EIPR1: variants seen among roughly 807,000 people sequenced by gnomAD.
The protein encoded by EIPR1 is EARP and GARP complex-interacting protein 1.
EIPR1 carries 25 observed loss-of-function variants against 48.1 expected under a neutral mutation model. That is an observed-to-expected ratio of 0.52 (90% CI 0.38 to 0.73). The LOEUF is 0.73. Among genes scored for constraint, EIPR1 ranks in the 30% least tolerant of loss-of-function variants. EIPR1 has a pLI of 0.00. For synonymous variants in EIPR1, 204 were observed against 201.9 expected (o/e 1.01, Z -0.09); for missense variants, 415 against 506.2 (o/e 0.82, Z 1.73).
intron 4 of EIPR1, among the ~76,000 whole-genome samples, chr2:3,229,470 T>C (rs1300360939): frequency 6.6e-6 from 1 of 152,254 alleles, no homozygotes; most frequent in South Asian, 2.1e-4. Context: ...AGCTTTGAGC[T>C]TGGCAAGCAT....
chr2:3,296,210 T>TCC (rs1668585697), intron 3 of EIPR1, among the ~76,000 whole-genome samples: 6 of 97,376 alleles, frequency 6.2e-5, no homozygotes, highest in South Asian at 3.7e-4. Flanking sequence ...CCATCCTCTC[T>TCC]ACACAGACAC....
intron 2 of EIPR1, 142 bp downstream of exon 2, chr2:3,354,408 T>C (rs1221917780): frequency 1.1e-5 from 8 of 701,608 alleles, no homozygotes; most frequent in Admixed American, 2.8e-5. Flanking sequence ...GATTTGAAGA[T>C]AGACTTAAAT....
intron 3 of EIPR1, among the ~76,000 whole-genome samples, chr2:3,334,023 A>T (rs1222438020): frequency 2.0e-5 from 3 of 151,252 alleles, no homozygotes; most frequent in Non-Finnish European, 4.4e-5. Context: ...TATCACACAA[A>T]CTAATGGAAA....
rs149376259 is a variant in EIPR1 at position 3,245,316 on chromosome 2, G to A, written c.416+11983C>T. Among the ~76,000 whole-genome samples, 6 of 152,316 alleles carry A rather than the reference G, an allele frequency of 3.9e-5. No homozygotes were observed. The East Asian group carries it at 1.2e-3, about 29-fold the overall frequency. On this transcript the variant is annotated intron_variant, in intron 4 of 8. Coordinates refer to ENST00000382125, the MANE Select transcript of EIPR1 (RefSeq NM_003310.5). The stretch of plus-strand genomic sequence containing the variant: ...CAACCTCCACCTCCTGAGTTCAAGT[G>A]ATTCTCCTGCCTCAGCCTCCTGAGT...
At chr2:3,241,462 G>T (rs1262392531) in intron 4 of EIPR1, among the ~76,000 whole-genome samples, 1 of 152,206 alleles carries the variant, frequency 6.6e-6, no homozygotes, top group Admixed American at 6.5e-5. Flanking sequence ...AATAAAAAGA[G>T]AATTTCTATT....
chr2:3,264,200 A>G (rs113542731), intron 3 of EIPR1, among the ~76,000 whole-genome samples: 2,749 of 152,236 alleles, frequency 0.018, 76 homozygotes, highest in African/African-American at 0.063. Flanking sequence ...CTGTGACTTC[A>G]GTATTTTTAG....
chr2:3,233,826 T>C (rs1010291629), intron 4 of EIPR1, among the ~76,000 whole-genome samples: 22 of 152,186 alleles, frequency 1.4e-4, no homozygotes, highest in East Asian at 3.8e-4. Flanking sequence ...ATTACAGCAA[T>C]AGAGAAGTTA....
chr2:3,358,841 A>G (rs1670792737), intron 1 of EIPR1, among the ~76,000 whole-genome samples: 1 of 152,168 alleles, frequency 6.6e-6, no homozygotes, highest in African/African-American at 2.4e-5. Flanking sequence ...GAACCCCAAG[A>G]TTTTCAAATG....
intron 4 of EIPR1, among the ~76,000 whole-genome samples, chr2:3,231,753 G>T (rs985572253): frequency 6.6e-6 from 1 of 152,130 alleles, no homozygotes; most frequent in Non-Finnish European, 1.5e-5. Flanking sequence ...TTTTATCGAG[G>T]ACTTGCACTT....
chr2:3,371,650 G>C (rs1183458925), intron 1 of EIPR1, among the ~76,000 whole-genome samples: 1 of 152,140 alleles, frequency 6.6e-6, no homozygotes, highest in African/African-American at 2.4e-5. Context: ...ATTACTTAAG[G>C]GTAAAGGGAT....
chr2:3,208,715 T>G (rs763731488), intron 5 of EIPR1: 4 of 1,550,152 alleles, frequency 2.6e-6, no homozygotes, highest in African/African-American at 1.4e-5. Flanking sequence ...CGGGTCCTTC[T>G]TCCATGCGTG....
At position 3,189,320 on chromosome 2, in the gene EIPR1, C is replaced by T; in HGVS notation, c.*14G>A. 1 of 1,564,524 alleles carries T rather than the reference C, an allele frequency of 6.4e-7. No homozygotes were observed. Among genetic ancestry groups the T allele is most frequent in the Non-Finnish European group, 8.7e-7 (1 of 1,145,930 alleles). On this transcript the variant is annotated 3_prime_UTR_variant, in exon 9 of 9. Transcript: ENST00000382125. The surrounding 1 kb of genome is among the most constrained non-coding windows in gnomAD (Gnocchi z 4.6). ...AAACCACTCAATGGGACCTGGATAA[C>T]CCAGGCCCGGGAGTCATAGCAGGAT...
chr2:3,256,735 A>G (rs1667168094), intron 4 of EIPR1, among the ~76,000 whole-genome samples: 1 of 152,208 alleles, frequency 6.6e-6, no homozygotes, highest in Non-Finnish European at 1.5e-5. Flanking sequence ...AGCAGCTGTG[A>G]CTGCCGTGGA....
intron 3 of EIPR1, among the ~76,000 whole-genome samples, chr2:3,297,704 G>A (rs538093116): frequency 6.6e-6 from 1 of 152,240 alleles, no homozygotes; most frequent in Non-Finnish European, 1.5e-5. Flanking sequence ...AGAAATAAGC[G>A]AGTGTGTCTG....
chr2:3,245,366 C>A (rs1208320626), intron 4 of EIPR1, among the ~76,000 whole-genome samples: 5 of 152,070 alleles, frequency 3.3e-5, no homozygotes, highest in African/African-American at 1.2e-4. Context: ...GCAGCCATCA[C>A]CGTGCCCAGC....
chr2:3,270,326 GGT>G (rs1667668609), intron 3 of EIPR1, among the ~76,000 whole-genome samples: 1 of 152,158 alleles, frequency 6.6e-6, no homozygotes, highest in African/African-American at 2.4e-5. Context: ...GAGGGCCTGG[GGT>G]GTGTCAGCGT....
intron 3 of EIPR1, among the ~76,000 whole-genome samples, chr2:3,280,841 T>C (rs1003981924): frequency 6.6e-6 from 1 of 152,196 alleles, no homozygotes; most frequent in Non-Finnish European, 1.5e-5. Flanking sequence ...AGAAGCTGCA[T>C]GCCCAGGTTA....
At chr2:3,370,105 C>T (rs1168348574) in intron 1 of EIPR1, among the ~76,000 whole-genome samples, 4 of 152,148 alleles carry the variant, frequency 2.6e-5, no homozygotes, top group East Asian at 1.9e-4. Flanking sequence ...CTGCAGACAC[C>T]GCTGCTGATA....
chr2:3,260,945 C>T (rs1418570671), intron 3 of EIPR1, among the ~76,000 whole-genome samples: 1 of 152,202 alleles, frequency 6.6e-6, no homozygotes, highest in African/African-American at 2.4e-5. Context: ...AAACAGTACA[C>T]ACATTTTGGA....
Sources: allele counts gnomAD v4.1 joint callset (sites outside exome capture counted in the v4.1 genomes callset), GRCh38; gene constraint gnomAD v4.1.1; non-coding constraint Gnocchi (gnomAD v3.1); transcripts MANE v1.5; gene names NCBI Gene and HGNC (gene_info 2026-07-23, HGNC 2026-07-21).